Variants in RP1 observed in about 807,000 individuals in gnomAD.
RP1 encodes the protein oxygen-regulated protein 1.
RP1 carries 16 observed loss-of-function variants against 14.8 expected under a neutral mutation model. The ratio of observed to expected loss-of-function variants is 1.08; its 90% CI spans 0.73 to 1.65. The LOEUF (loss-of-function observed/expected upper bound fraction) is 1.65. RP1 is among the 40% of genes most tolerant of loss of function. RP1 has a pLI of 0.00. For missense variants in RP1, 2,631 were observed against 2,535.0 expected, an observed-to-expected ratio of 1.04 and a Z score of -0.81; for synonymous variants, 876 against 883.6, an observed-to-expected ratio of 0.99 and a Z score of 0.15.
At position 54,629,907 on chromosome 8, in the gene RP1, A is replaced by G. The variant is rs1298351040; in HGVS notation, c.6025A>G (p.Arg2009Gly). ...GATGGGTAAAAGAAGAAAACAAAAA[A>G]GAATTAACTTCTTGGGGTTAGAGGA... ...DLMGKRRKQKRINFLGLEEEG... is the reference protein window; with the variant it reads ...DLMGKRRKQKGINFLGLEEEG... Residue 2009 changes from arginine to glycine, a missense_variant, in exon 4 of 4, where the codon AGA becomes GGA. Arg to Gly is a moderately radical substitution (Grantham distance 125). Transcript: ENST00000220676. 1 of 1,613,826 alleles carries G rather than the reference A, an allele frequency of 6.2e-7. No individual in the cohort carries two copies. Among genetic ancestry groups the G allele is most frequent in the Non-Finnish European group, 8.5e-7 (1 of 1,179,928 alleles).
At chr8:54,796,775 C>T (rs1424599575) in intron 24 of RP1, among the ~76,000 whole-genome samples, 1 of 152,038 alleles carries the variant, frequency 6.6e-6, no homozygotes, top group African/African-American at 2.4e-5. Context: ...AATAAGTATC[C>T]GTTGTTTTAA....
intron 19 of RP1, among the ~76,000 whole-genome samples, chr8:54,752,576 G>A (rs900356414): frequency 2.0e-5 from 3 of 152,144 alleles, no homozygotes; most frequent in African/African-American, 7.2e-5. Context: ...GCTTATTCCA[G>A]TTCAGAGTTG....
intron 24 of RP1, among the ~76,000 whole-genome samples, chr8:54,815,487 C>A (rs965629935): frequency 1.3e-5 from 2 of 152,154 alleles, no homozygotes; most frequent in African/African-American, 4.8e-5. Context: ...TTGCTGTACT[C>A]CAGACAATGT....
At chr8:54,829,560 G>A (rs955649785) in intron 24 of RP1, among the ~76,000 whole-genome samples, 12 of 152,120 alleles carry the variant, frequency 7.9e-5, no homozygotes, top group African/African-American at 2.4e-4. Context: ...ATATATTTAT[G>A]ATGGAATTAC....
chr8:54,841,765 C>T (rs1811795896), intron 25 of RP1, among the ~76,000 whole-genome samples: 1 of 152,132 alleles, frequency 6.6e-6, no homozygotes, highest in Admixed American at 6.5e-5. Flanking sequence ...ATGCTTAGGG[C>T]TGATAAGAAT....
At chr8:54,637,785 A>G (rs1199592554) in intron 3 of RP1, among the ~76,000 whole-genome samples, 2 of 151,958 alleles carry the variant, frequency 1.3e-5, no homozygotes, top group Non-Finnish European at 1.5e-5. Flanking sequence ...TCCTGACTAC[A>G]TTTTCTTTTT....
Position 54,760,674 on chromosome 8 carries a change from C to T in RP1, c.3248+1598C>T, listed in dbSNP as rs192984626. ...TCCAATTTGTTTTTATTGCTGTCCT[C>T]TTACAAGATCTTAGTGAAATTAGAC... On this transcript the variant is annotated intron_variant, in intron 22 of 22. Transcript: ENST00000636932. Among the ~76,000 whole-genome samples, 27 of 152,228 alleles carry T rather than the reference C, an allele frequency of 1.8e-4. 1 individual carries two copies. Among genetic ancestry groups the T allele is most frequent in the Admixed American group, 1.6e-3 (25 of 15,286 alleles).
chr8:54,663,751 A>G (rs1454659688), exon 7 of RP1: 1 of 1,534,984 alleles, frequency 6.5e-7, no homozygotes, highest in South Asian at 1.2e-5. Flanking sequence ...ATGCTGGAAC[A>G]GTAGCAAACG....
At chr8:54,574,835 C>A (rs1199423738) in intron 1 of RP1, among the ~76,000 whole-genome samples, 1 of 152,080 alleles carries the variant, frequency 6.6e-6, no homozygotes, top group Non-Finnish European at 1.5e-5. Flanking sequence ...TGTTCCAGAA[C>A]CCCAGTCTGG....
Position 54,850,368 on chromosome 8 carries a change from T to C in RP1, c.3836-2206T>C, listed in dbSNP as rs563679063. 4.9e-4 allele frequency among the ~76,000 whole-genome samples: 75 copies of C among 152,250 alleles called. 1 individual carries two copies. The highest frequency in any genetic ancestry group is 9.4e-4 in the Non-Finnish European group (64 of 68,042). ...GTATTCTAGCTAATTTTAAGTTCTC[T>C]TCTTACATATTTTAGACTTATCATT... is the stretch of plus-strand genomic sequence containing the variant. On this transcript the variant is annotated intron_variant, in intron 25 of 28. Coordinates refer to the RP1 transcript ENST00000637698.
intron 3 of RP1, among the ~76,000 whole-genome samples, chr8:54,623,344 T>A (rs1805933158): frequency 6.6e-6 from 1 of 152,200 alleles, no homozygotes; most frequent in African/African-American, 2.4e-5. Flanking sequence ...TGAGACACTT[T>A]GATTTACAAT....
chr8:54,697,405 A>G (rs1371671874), intron 12 of RP1, among the ~76,000 whole-genome samples: 1 of 152,096 alleles, frequency 6.6e-6, no homozygotes, highest in Non-Finnish European at 1.5e-5. Context: ...AAATACAAAA[A>G]TTAGCTGGGC....
At chr8:54,862,632 C>T (rs1439735042) in intron 27 of RP1, among the ~76,000 whole-genome samples, 1 of 152,162 alleles carries the variant, frequency 6.6e-6, no homozygotes. Flanking sequence ...GGACCAGGTC[C>T]TTCCACCTTG....
chr8:54,748,172 T>C (rs1019444058), intron 19 of RP1, among the ~76,000 whole-genome samples: 15 of 152,244 alleles, frequency 9.9e-5, no homozygotes, highest in African/African-American at 3.4e-4. Context: ...AGAAATGCCT[T>C]ATTTTTTTGA....
At chr8:54,606,085 A>T (rs1182671345) in intron 1 of RP1, among the ~76,000 whole-genome samples, 3 of 152,064 alleles carry the variant, frequency 2.0e-5, no homozygotes, top group Non-Finnish European at 4.4e-5. Context: ...TCCTGTCATG[A>T]TGATGTTAGC....
At chr8:54,593,146 A>G (rs1805076624) in intron 1 of RP1, among the ~76,000 whole-genome samples, 1 of 152,118 alleles carries the variant, frequency 6.6e-6, no homozygotes, top group African/African-American at 2.4e-5. Flanking sequence ...TGATTTATTC[A>G]TTGCTGTCTC....
At chr8:54,774,520 T>C (rs1275933475), downstream of RP1, among the ~76,000 whole-genome samples, 1 of 152,236 alleles carries the variant, frequency 6.6e-6, no homozygotes, top group African/African-American at 2.4e-5. Context: ...ACTTACTGTT[T>C]GGTGCCTAAA....
chr8:54,831,289 A>T (rs1253401166), intron 24 of RP1, among the ~76,000 whole-genome samples: 1 of 151,980 alleles, frequency 6.6e-6, no homozygotes, highest in African/African-American at 2.4e-5. Context: ...ATGTTTTCAC[A>T]TAGTGGCTGC....
chr8:54,829,665 C>CA (rs34683901), intron 24 of RP1, among the ~76,000 whole-genome samples: 46,431 of 151,572 alleles, frequency 0.31, 7,311 homozygotes, highest in South Asian at 0.37. Context: ...ATGATCATTC[C>CA]AAAAAAATAC....
Sources: allele counts gnomAD v4.1 joint callset (sites outside exome capture counted in the v4.1 genomes callset), GRCh38; gene constraint gnomAD v4.1.1; transcripts MANE v1.5; gene names NCBI Gene and HGNC (gene_info 2026-07-23, HGNC 2026-07-21).